Variants in SCRN1 observed in about 807,000 individuals in gnomAD.
SCRN1 encodes the protein secernin-1.
A neutral mutation model predicts 43.3 loss-of-function variants in SCRN1; 19 were observed. The observed-to-expected ratio is 0.44, with a 90% CI of 0.31 to 0.64. SCRN1 has a LOEUF of 0.64. Among genes scored for constraint, SCRN1 ranks in the 30% least tolerant of loss-of-function variants. The pLI, the probability that SCRN1 is intolerant of heterozygous loss-of-function variation, is 0.09. For synonymous variants in SCRN1, 183 were observed against 188.9 expected (o/e 0.97, Z 0.26); for missense variants, 447 against 524.1 (o/e 0.85, Z 1.44).
intron 3 of SCRN1, among the ~76,000 whole-genome samples, chr7:29,947,738 T>C (rs1265556026): frequency 6.6e-6 from 1 of 152,202 alleles, no homozygotes; most frequent in Non-Finnish European, 1.5e-5. Flanking sequence ...ATGTTAAGCC[T>C]CATCCCCAGT....
intron 2 of SCRN1, among the ~76,000 whole-genome samples, chr7:29,962,837 T>A (rs769630851): frequency 1.3e-5 from 2 of 152,160 alleles, no homozygotes; most frequent in African/African-American, 2.4e-5. Flanking sequence ...AGTTACATGA[T>A]AGTAATTGTG....
intron 2 of SCRN1, among the ~76,000 whole-genome samples, chr7:29,963,909 A>AT (rs1197744376): frequency 1.3e-5 from 2 of 152,264 alleles, no homozygotes; most frequent in African/African-American, 4.8e-5. Context: ...AAAGTTATAT[A>AT]TTAAAAAATC....
chr7:29,989,721 G>T lies in SCRN1; in HGVS notation c.-81C>A. On this transcript the variant is annotated 5_prime_UTR_variant, in exon 1 of 8. Coordinates refer to ENST00000242059, the MANE Select transcript of SCRN1 (RefSeq NM_014766.5). Reference sequence around the variant, plus strand: ...CCGCCGAGGGTGCGGGTGCTGCCGGGTCCGGATTACTGCGGCGACCTCGGG... The same window carrying T: ...CCGCCGAGGGTGCGGGTGCTGCCGGTTCCGGATTACTGCGGCGACCTCGGG... The T allele has an allele frequency of 1.0e-6, 1 of 986,136 alleles. No individual in the cohort carries two copies. Among genetic ancestry groups the T allele is most frequent in the Non-Finnish European group, 1.2e-6 (1 of 830,556 alleles). 61.1% of individuals were successfully genotyped at this position (986,136 alleles called of 1,614,324 possible). A position where few individuals can be genotyped will look rare whatever the true frequency, so the allele number is the denominator to read the frequency against.
Position 29,969,873 on chromosome 7 carries a change from T to A in SCRN1, c.-1-805A>T, listed in dbSNP as rs1289374265. 7 of 456,482 alleles carry A rather than the reference T, an allele frequency of 1.5e-5. No individual in the cohort carries two copies. In the East Asian group the frequency reaches 4.9e-4, roughly 32 times the overall value. 28.3% of individuals were successfully genotyped at this position (456,482 alleles called of 1,614,324 possible). On this transcript the variant is annotated intron_variant, in intron 1 of 7. Transcript: ENST00000242059. ...AAGCTGATTTCATCTTCTTCCCTTT[T>A]CAAGGTTCTTTATCTTGGTAGCCAA... is the stretch of plus-strand genomic sequence containing the variant.
At chr7:29,969,198 G>A in intron 1 of SCRN1, 130 bp from the exon 2 acceptor site, 1 of 1,109,876 alleles carries the variant, frequency 9.0e-7, no homozygotes, top group East Asian at 2.6e-5. Context: ...CTCATTAAGA[G>A]ATCCCAGCTG....
chr7:29,936,064 A>C (rs760824611), intron 6 of SCRN1, among the ~76,000 whole-genome samples: 6 of 152,240 alleles, frequency 3.9e-5, no homozygotes, highest in Non-Finnish European at 7.3e-5. Flanking sequence ...ACAATGTCTT[A>C]AAGAAGGGGC....
At chr7:29,934,808 C>T (rs1030067789) in intron 6 of SCRN1, among the ~76,000 whole-genome samples, 1 of 152,158 alleles carries the variant, frequency 6.6e-6, no homozygotes, top group Admixed American at 6.5e-5. Context: ...TAAAGGCTGA[C>T]GGGTGCCACG....
intron 4 of SCRN1, 53 bp downstream of exon 4, chr7:29,943,924 A>C (rs548868995): frequency 2.8e-4 from 425 of 1,539,688 alleles, no homozygotes; most frequent in Non-Finnish European, 3.6e-4. Context: ...AGGCCACCCC[A>C]TCTCTGTGGC....
chr7:29,939,557 T>G (rs1787460665), intron 5 of SCRN1, among the ~76,000 whole-genome samples: 1 of 152,188 alleles, frequency 6.6e-6, no homozygotes, highest in Admixed American at 6.5e-5. Flanking sequence ...CGTTGAAACT[T>G]TCCTGTTGCA....
Position 29,940,864 on chromosome 7 carries a change from C to T in SCRN1, c.557G>A (p.Cys186Tyr), listed in dbSNP as rs777930827. 4.5e-6 allele frequency: 7 copies of T among 1,544,998 alleles called. No individual in the cohort carries two copies. Among genetic ancestry groups the T allele is most frequent in the Non-Finnish European group, 5.2e-6 (6 of 1,152,942 alleles). ...GGTGAGCGAAAGCTGACTGCAAATG[C>T]ACCTCACTCCCTCTGCAGAGAGTGC... ...AAEKVTEGVR[C>Y]ICSQLSLTTK... Residue 186 changes from cysteine to tyrosine, a missense_variant, in exon 5 of 8, where the codon TGC (cysteine) becomes TAC (tyrosine). Coordinates refer to ENST00000242059, the MANE Select transcript of SCRN1 (RefSeq NM_014766.5).
In SCRN1 at chr7:29,986,618, T is replaced by C. The variant is rs182341530; in HGVS notation, c.-2+3024A>G. ...ATTCTTATTCTTCAACAGACACAAA[T>C]TGCATGCATTTCTGTATTTTTACAA... On this transcript the variant is annotated intron_variant, in intron 1 of 7. Transcript: ENST00000242059. Among the ~76,000 whole-genome samples the C allele has an allele frequency of 4.8e-3, 725 of 152,202 alleles. 2 individuals are homozygous for C. The highest frequency in any genetic ancestry group is 7.5e-3 in the Non-Finnish European group (512 of 67,996).
intron 6 of SCRN1, among the ~76,000 whole-genome samples, chr7:29,926,882 C>T (rs985423935): frequency 6.6e-6 from 1 of 152,098 alleles, no homozygotes; most frequent in Non-Finnish European, 1.5e-5. Context: ...AACAGACTTC[C>T]TTTGTTCTGA....
intron 3 of SCRN1, among the ~76,000 whole-genome samples, chr7:29,948,572 T>C (rs950037791): frequency 2.6e-5 from 4 of 152,252 alleles, no homozygotes; most frequent in African/African-American, 9.6e-5. Context: ...GAAGGTCTGA[T>C]GGAATGTGTC....
At chr7:29,971,603 T>C (rs1788666640) in intron 1 of SCRN1, among the ~76,000 whole-genome samples, 1 of 148,110 alleles carries the variant, frequency 6.8e-6, no homozygotes, top group African/African-American at 2.5e-5. Flanking sequence ...CACTGCACTC[T>C]CAGCCTGGGC....
At chr7:29,968,300 A>G (rs1194512929) in intron 2 of SCRN1, among the ~76,000 whole-genome samples, 4 of 152,224 alleles carry the variant, frequency 2.6e-5, no homozygotes, top group Non-Finnish European at 1.5e-5. Context: ...GCTCTAAATG[A>G]GGAATTATGA....
At chr7:29,953,849 T>C (rs1240704543) in intron 3 of SCRN1, among the ~76,000 whole-genome samples, 1 of 152,164 alleles carries the variant, frequency 6.6e-6, no homozygotes, top group African/African-American at 2.4e-5. Flanking sequence ...TTTTCTAGGA[T>C]GTTAGCTTTG....
At chr7:29,984,291 A>T (rs1229095460) in intron 1 of SCRN1, among the ~76,000 whole-genome samples, 1 of 151,998 alleles carries the variant, frequency 6.6e-6, no homozygotes, top group Admixed American at 6.5e-5. Flanking sequence ...AGAATTTTAA[A>T]TTTTTACAAT....
chr7:29,929,466 T>C (rs1787086229), intron 6 of SCRN1, among the ~76,000 whole-genome samples: 1 of 152,232 alleles, frequency 6.6e-6, no homozygotes. Context: ...TCAGGAAACC[T>C]GCCATTTCAC....
At chr7:29,955,937 AT>A (rs1788122162) in intron 2 of SCRN1, among the ~76,000 whole-genome samples, 1 of 152,216 alleles carries the variant, frequency 6.6e-6, no homozygotes, top group South Asian at 2.1e-4. Context: ...TGCCTGTCCC[AT>A]TTGATCCTCA....
Sources: allele counts gnomAD v4.1 joint callset (sites outside exome capture counted in the v4.1 genomes callset), GRCh38; gene constraint gnomAD v4.1.1; transcripts MANE v1.5; gene names NCBI Gene and HGNC (gene_info 2026-07-23, HGNC 2026-07-21).